FGGY: variants seen among roughly 807,000 people sequenced by gnomAD.
FGGY encodes FGGY carbohydrate kinase domain containing, also known as FGGY carbohydrate kinase domain-containing protein.
A neutral mutation model predicts 71.3 loss-of-function variants in FGGY; 72 were observed. The ratio of observed to expected loss-of-function variants is 1.01; its 90% CI spans 0.84 to 1.23. FGGY has a LOEUF of 1.23. FGGY is among the 50% of genes most tolerant of loss of function. FGGY has a pLI of 0.00. For missense variants in FGGY, 668 were observed against 682.3 expected (o/e 0.98, Z 0.23); for synonymous variants, 251 against 250.3 (o/e 1.00, Z -0.02).
At chr1:59,301,614 G>T (rs1453814153) in intron 1 of FGGY, among the ~76,000 whole-genome samples, 1 of 149,938 alleles carries the variant, frequency 6.7e-6, no homozygotes, top group Non-Finnish European at 1.5e-5. Context: ...GGTTTAGGAA[G>T]TTTCATTGTA....
At chr1:59,534,922 A>G (rs1440799731) in intron 7 of FGGY, among the ~76,000 whole-genome samples, 3 of 152,146 alleles carry the variant, frequency 2.0e-5, no homozygotes, top group Non-Finnish European at 1.5e-5. Context: ...AACTGCATCA[A>G]CTAACGAGCA....
intron 7 of FGGY, among the ~76,000 whole-genome samples, chr1:59,540,979 A>G (rs1417856853): frequency 1.3e-5 from 2 of 152,176 alleles, no homozygotes; most frequent in African/African-American, 4.8e-5. Flanking sequence ...AGTAAGGGAA[A>G]AATTATGTTA....
intron 8 of FGGY, among the ~76,000 whole-genome samples, chr1:59,575,709 C>T (rs981352071): frequency 2.5e-4 from 38 of 152,304 alleles, no homozygotes; most frequent in African/African-American, 8.2e-4. Context: ...TACATTCCCA[C>T]AGATTTTTAA....
At chr1:59,503,371 A>G (rs183736780) in intron 6 of FGGY, among the ~76,000 whole-genome samples, 1 of 152,018 alleles carries the variant, frequency 6.6e-6, no homozygotes, top group Admixed American at 6.5e-5. Context: ...CAAATTATGT[A>G]CAGCACTCCT....
chr1:59,403,360 TAGTAA>T (rs1054545533), intron 5 of FGGY, among the ~76,000 whole-genome samples: 7 of 152,112 alleles, frequency 4.6e-5, no homozygotes, highest in Admixed American at 1.3e-4. Context: ...CTCACATATT[TAGTAA>T]AGTCCGGCTG....
At chr1:59,519,261 C>A (rs1344698459) in intron 7 of FGGY, among the ~76,000 whole-genome samples, 1 of 152,032 alleles carries the variant, frequency 6.6e-6, no homozygotes, top group Admixed American at 6.6e-5. Flanking sequence ...GAGCAAGTAA[C>A]AAATTTTGAA....
At chr1:59,575,252 A>G (rs992302659) in intron 8 of FGGY, among the ~76,000 whole-genome samples, 6 of 152,104 alleles carry the variant, frequency 3.9e-5, no homozygotes, top group Admixed American at 3.9e-4. Flanking sequence ...TTTGGCCAAC[A>G]TCTCTGCTTT....
At chr1:59,647,215 G>T (rs78842370) in intron 11 of FGGY, among the ~76,000 whole-genome samples, 11,110 of 152,206 alleles carry the variant, frequency 0.073, 1,092 homozygotes, top group African/African-American at 0.22. Flanking sequence ...CCAAGACAGG[G>T]TTAGACAACA....
In FGGY at chr1:59,457,047, A is replaced by G; in HGVS notation, c.641A>G (p.Asp214Gly). 1 of 1,613,952 alleles carries G rather than the reference A, an allele frequency of 6.2e-7. No homozygotes were observed. The highest frequency in any genetic ancestry group is 8.5e-7 in the Non-Finnish European group (1 of 1,179,828). ...DSFWKMIGLEDFVADNYSKIG... is the reference protein window; with the variant it reads ...DSFWKMIGLEGFVADNYSKIG... ...TTCTGGAAAATGATTGGTTTGGAAG[A>G]CTTTGTTGCAGATAATTACAGCAAA... Residue 214 changes from aspartate to glycine, a missense_variant, in exon 6 of 16, where the codon GAC becomes GGC. By Grantham distance (94) the Asp-to-Gly change is moderately conservative (BLOSUM62 -1). Around this residue, in one of 2 missense-constraint regions of FGGY, gnomAD observed 661 missense variants for 661.6 expected, o/e 1.00. Coordinates refer to ENST00000303721, the MANE Select transcript of FGGY (RefSeq NM_018291.5).
chr1:59,492,740 A>C (rs2153590053), intron 6 of FGGY, among the ~76,000 whole-genome samples: 1 of 152,188 alleles, frequency 6.6e-6, no homozygotes, highest in Middle Eastern at 3.4e-3. Context: ...TGGTCACACC[A>C]GTGTCAAGTC....
At chr1:59,633,104 G>A (rs1008136125) in intron 10 of FGGY, among the ~76,000 whole-genome samples, 11 of 149,418 alleles carry the variant, frequency 7.4e-5, no homozygotes, top group South Asian at 2.1e-4. Flanking sequence ...TCTGCCTCCC[G>A]GGTTCACACC....
chr1:59,701,091 A>C (rs961999282), intron 14 of FGGY, among the ~76,000 whole-genome samples: 1 of 152,214 alleles, frequency 6.6e-6, no homozygotes, highest in African/African-American at 2.4e-5. Flanking sequence ...TTGGAATTGC[A>C]AAATCCTGAG....
At chr1:59,513,158 TA>T (rs2094558245) in intron 7 of FGGY, among the ~76,000 whole-genome samples, 1 of 152,256 alleles carries the variant, frequency 6.6e-6, no homozygotes, top group Admixed American at 6.5e-5. Context: ...TGTAGCCATA[TA>T]TTTTTTTCCT....
chr1:59,399,191 A>G (rs2061656411), intron 5 of FGGY, among the ~76,000 whole-genome samples: 3 of 152,344 alleles, frequency 2.0e-5, no homozygotes, highest in South Asian at 4.1e-4. Flanking sequence ...ATGCTGGGAT[A>G]GTCCTCAAAT....
At chr1:59,578,281 G>A (rs1166641672) in intron 8 of FGGY, among the ~76,000 whole-genome samples, 1 of 152,108 alleles carries the variant, frequency 6.6e-6, no homozygotes, top group Non-Finnish European at 1.5e-5. Context: ...GGACTGAAAG[G>A]GAGTTGTGGG....
intron 9 of FGGY, among the ~76,000 whole-genome samples, chr1:59,614,164 C>A (rs2096723163): frequency 6.6e-6 from 1 of 152,194 alleles, no homozygotes; most frequent in African/African-American, 2.4e-5. Flanking sequence ...CAGCATCATC[C>A]TGATACCAAA....
chr1:59,657,055 G>T lies in FGGY; in HGVS notation c.1222-3164G>T, dbSNP rs74086281. Among the ~76,000 whole-genome samples the T allele has an allele frequency of 3.5e-3, 535 of 152,264 alleles. 4 individuals carry two copies. The highest frequency in any genetic ancestry group is 0.012 in the African/African-American group (511 of 41,548). On this transcript the variant is annotated intron_variant, in intron 11 of 15. Transcript: ENST00000303721. ...TTTTTGGAAATTCTCGTGGATATCT[G>T]CTGGGGATTAAGGAAGTTAAATCCA...
chr1:59,387,040 C>T (rs930352343), intron 5 of FGGY, among the ~76,000 whole-genome samples: 1 of 151,308 alleles, frequency 6.6e-6, no homozygotes, highest in African/African-American at 2.4e-5. Context: ...ATAATTATTA[C>T]GTTTCTGATG....
intron 14 of FGGY, among the ~76,000 whole-genome samples, chr1:59,751,355 C>T (rs2101693217): frequency 6.6e-6 from 1 of 152,202 alleles, no homozygotes; most frequent in South Asian, 2.1e-4. Flanking sequence ...CAACAGACAC[C>T]ACAGTGTTTT....
Sources: gnomAD v4.1 joint callset for allele counts (sites outside exome capture counted in the v4.1 genomes callset) on GRCh38, gnomAD v4.1.1 for gene constraint, gnomAD v4.1.1 regional missense constraint, MANE v1.5 for transcripts, NCBI Gene and HGNC (gene_info 2026-07-23, HGNC 2026-07-21) for gene names.